CENPO: variants seen among roughly 807,000 people sequenced by gnomAD.
CENPO encodes centromere protein O.
Under a neutral mutation model 36.1 loss-of-function variants are expected in CENPO, and 30 were observed. That is an observed-to-expected ratio of 0.83 (90% CI 0.62 to 1.13). The LOEUF is 1.13. CENPO is among the 50% of genes most tolerant of loss of function. The probability of loss-of-function intolerance (pLI) is 0.00; values close to 1 mark genes in which losing one functional copy is unlikely to be tolerated. For missense variants in CENPO, 349 were observed against 357.8 expected (o/e 0.98, Z 0.20); for synonymous variants, 171 against 142.3 (o/e 1.20, Z -1.44).
chr2:24,803,063 G>A (rs1397195325), intron 3 of CENPO, among the ~76,000 whole-genome samples: 1 of 152,186 alleles, frequency 6.6e-6, no homozygotes, highest in African/African-American at 2.4e-5. Context: ...TTGGGAGAAT[G>A]TATGTGTCCA....
chr2:24,816,873 CAG>C lies in CENPO; in HGVS notation c.766+57_766+58del, dbSNP rs879633834. 16 of 1,500,466 alleles carry C rather than the reference CAG, an allele frequency of 1.1e-5. No homozygotes were observed. In the Admixed American group the frequency reaches 2.1e-4, roughly 20 times the overall value. 92.9% of individuals were successfully genotyped at this position (1,500,466 alleles called of 1,614,324 possible). Reference sequence around the variant, plus strand: ...CATATCCCAGTTTATTTGAGTGAAACAGGGAAAATAGGTAGAATCCATGAAGT... The same window carrying C: ...CATATCCCAGTTTATTTGAGTGAAACGGAAAATAGGTAGAATCCATGAAGT... On this transcript the variant is annotated intron_variant, in intron 6 of 7. Transcript: ENST00000380834.
rs1667892978 is a variant in CENPO, at chr2:24,822,332, C to G, written c.*3014C>G. 3 of 878,296 alleles carry G rather than the reference C, an allele frequency of 3.4e-6. No homozygotes were observed. The Admixed American group carries it at 7.4e-5, about 22-fold the overall frequency. The allele number at this position is 878,296 out of a possible 1,614,324, so 54.4% of individuals were successfully genotyped here. A position where few individuals can be genotyped will look rare whatever the true frequency, so the allele number is the denominator to read the frequency against. On this transcript the variant is annotated 3_prime_UTR_variant, in exon 8 of 8. Coordinates refer to ENST00000380834, the MANE Select transcript of CENPO (RefSeq NM_001322101.2). ...AGGGGGTTGTGTGTCTGTTCTGTTT[C>G]TCTGCTTGCCGAACTTTCTCAATAA... is the stretch of plus-strand genomic sequence containing the variant.
chr2:24,805,774 G>C (rs1420724976), intron 3 of CENPO, among the ~76,000 whole-genome samples: 2 of 152,202 alleles, frequency 1.3e-5, no homozygotes, highest in African/African-American at 4.8e-5. Context: ...CGGGGGTCAG[G>C]GACCCACTTG....
chr2:24,803,301 T>C (rs1302931392), intron 3 of CENPO, among the ~76,000 whole-genome samples: 1 of 152,002 alleles, frequency 6.6e-6, no homozygotes, highest in Non-Finnish European at 1.5e-5. Flanking sequence ...ATTGATTTTT[T>C]GAAGGGTTTT....
chr2:24,806,371 T>TA (rs1295120268), intron 3 of CENPO, among the ~76,000 whole-genome samples: 2 of 152,206 alleles, frequency 1.3e-5, no homozygotes, highest in Non-Finnish European at 2.9e-5. Context: ...ATGAACCTGG[T>TA]ACCTCAGTTG....
intron 3 of CENPO, among the ~76,000 whole-genome samples, chr2:24,810,809 G>A (rs1572738055): frequency 6.6e-6 from 1 of 151,964 alleles, no homozygotes; most frequent in Non-Finnish European, 1.5e-5. Flanking sequence ...CACCCGGCCT[G>A]CAGGGTAAGT....
At chr2:24,806,151 C>T (rs575369072) in intron 3 of CENPO, among the ~76,000 whole-genome samples, 1 of 152,202 alleles carries the variant, frequency 6.6e-6, no homozygotes, top group Non-Finnish European at 1.5e-5. Flanking sequence ...CCTGGTGTGC[C>T]GTTTGCTAAG....
In CENPO at chr2:24,801,583, G is replaced by A. The variant is rs544605845; in HGVS notation, c.216+1739G>A. 2.0e-5 allele frequency among the ~76,000 whole-genome samples: 3 copies of A among 152,260 alleles called. No homozygotes were observed. The South Asian group carries it at 6.2e-4, about 32-fold the overall frequency. ...TTCCCAGCACCATTTATTAAATAGG[G>A]AATCCTTCCCCATTTCTTGTTTTTG... On this transcript the variant is annotated intron_variant, in intron 3 of 7. Transcript: ENST00000380834.
chr2:24,807,682 G>T (rs1487117016), intron 3 of CENPO, among the ~76,000 whole-genome samples: 1 of 152,160 alleles, frequency 6.6e-6, no homozygotes, highest in Admixed American at 6.5e-5. Context: ...TGGTTCATAG[G>T]ATATGCATGT....
chr2:24,821,252 A>G lies in CENPO; in HGVS notation c.*1934A>G, dbSNP rs950033328. ...CAACCCCTCTGGAAATGGATCACAA[A>G]CTCACTTCTCAGCCAGGCAGGCCAA... On this transcript the variant is annotated 3_prime_UTR_variant, in exon 8 of 8. Transcript: ENST00000380834. The G allele has an allele frequency of 8.4e-6, 4 of 478,118 alleles. No individual in the cohort carries two copies. Among genetic ancestry groups the G allele is most frequent in the African/African-American group, 5.9e-5 (3 of 51,048 alleles). The allele number at this position is 478,118 out of a possible 1,614,324, so 29.6% of individuals were successfully genotyped here. A position where few individuals can be genotyped will look rare whatever the true frequency, so the allele number is the denominator to read the frequency against.
At position 24,815,608 on chromosome 2, in the gene CENPO, GGATACA is replaced by G; in HGVS notation, c.447_452del (p.Ile150_His151del). 3 of 1,614,044 alleles carry G rather than the reference GGATACA, an allele frequency of 1.9e-6. No homozygotes were observed. The highest frequency in any genetic ancestry group is 2.5e-6 in the Non-Finnish European group (3 of 1,179,954). On this transcript the variant is annotated inframe_deletion, in exon 5 of 8. Coordinates refer to ENST00000380834, the MANE Select transcript of CENPO (RefSeq NM_001322101.2). ...GACCTTGTCATACAGAAACCACTCC[GGATACA>G]TCACCATTCAGTCCCAGTCTTCATT...
intron 3 of CENPO, among the ~76,000 whole-genome samples, chr2:24,801,229 C>T (rs1558371270): frequency 6.6e-6 from 1 of 151,928 alleles, no homozygotes; most frequent in Non-Finnish European, 1.5e-5. Flanking sequence ...GGATATTAGC[C>T]CTTTGTCAGA....
intron 3 of CENPO, among the ~76,000 whole-genome samples, chr2:24,811,469 T>G (rs912264164): frequency 5.1e-5 from 6 of 116,884 alleles, no homozygotes; most frequent in Non-Finnish European, 9.8e-5. Context: ...TTGTTTTTTG[T>G]TTTTTTTTTT....
rs554060331 is a variant in CENPO at position 24,804,617 on chromosome 2, A to T, written c.216+4773A>T. Among the ~76,000 whole-genome samples, 725 of 152,188 alleles carry T rather than the reference A, an allele frequency of 4.8e-3. 7 individuals carry two copies. Among genetic ancestry groups the T allele is most frequent in the African/African-American group, 0.016 (657 of 41,528 alleles). ...GTTTGGCTGGATATGAAATTCTGGG[A>T]TGAGAATTCTTTTCTTTAAGAATGT... On this transcript the variant is annotated intron_variant, in intron 3 of 7. Transcript: ENST00000380834.
At chr2:24,815,204 C>G (rs1666883168) in intron 4 of CENPO, among the ~76,000 whole-genome samples, 1 of 149,776 alleles carries the variant, frequency 6.7e-6, no homozygotes, top group South Asian at 2.1e-4. Flanking sequence ...TGCCACCGCA[C>G]TCCAGCCTGG....
rs1421599245 is a variant in CENPO at position 24,819,610 on chromosome 2, A to C, written c.*292A>C. On this transcript the variant is annotated 3_prime_UTR_variant, in exon 8 of 8. Coordinates refer to ENST00000380834, the MANE Select transcript of CENPO (RefSeq NM_001322101.2). ...TCCCGGAAAGCCCAGCGGCAAAGGC[A>C]GCTTTGTCCCAGCTCTGCCACCCTC... 1.3e-5 allele frequency: 3 copies of C among 223,646 alleles called. No homozygotes were observed. Among genetic ancestry groups the C allele is most frequent in the African/African-American group, 2.3e-5 (1 of 43,718 alleles). 13.9% of individuals were successfully genotyped at this position (223,646 alleles called of 1,614,324 possible). A position where few individuals can be genotyped will look rare whatever the true frequency, so the allele number is the denominator to read the frequency against.
In CENPO at chr2:24,820,019, G is replaced by T. The variant is rs1667313581; in HGVS notation, c.*701G>T. ...GCTTATCCCGCCCCTTCAAGAAGAA[G>T]GTCAGCAGCTCCCCCTTCCCCTTCA... is the stretch of plus-strand genomic sequence containing the variant. On this transcript the variant is annotated 3_prime_UTR_variant, in exon 8 of 8. Coordinates refer to ENST00000380834, the MANE Select transcript of CENPO (RefSeq NM_001322101.2). 2 of 1,612,232 alleles carry T rather than the reference G, an allele frequency of 1.2e-6. No homozygotes were observed. Among genetic ancestry groups the T allele is most frequent in the South Asian group, 2.2e-5 (2 of 90,876 alleles).
In CENPO at chr2:24,817,687, A is replaced by T. The variant is rs772589283; in HGVS notation, c.784A>T (p.Thr262Ser). ...CTTTTTAGGAGTGGAAGTATTATCC[A>T]CTTCATGGGAGGAGCAACGAGCATC... ...VTCQGVEVLS[T>S]SWEEQRASHE... The change falls in exon 7 of 8, where the codon ACT becomes TCT. Residue 262 changes from threonine (T) to serine (S), a missense_variant. By Grantham distance (58) the Thr-to-Ser change is moderately conservative (BLOSUM62 1). Transcript: ENST00000380834. 1 of 1,614,208 alleles carries T rather than the reference A, an allele frequency of 6.2e-7. No homozygotes were observed. Among genetic ancestry groups the T allele is most frequent in the East Asian group, 2.2e-5 (1 of 44,882 alleles).
At chr2:24,796,717 G>A (rs554673303) in intron 2 of CENPO, among the ~76,000 whole-genome samples, 7 of 152,178 alleles carry the variant, frequency 4.6e-5, no homozygotes, top group Non-Finnish European at 8.8e-5. Flanking sequence ...TTATGAGCTG[G>A]CACCTGACCT....
Sources: gnomAD v4.1 joint callset for allele counts (sites outside exome capture counted in the v4.1 genomes callset) on GRCh38, gnomAD v4.1.1 for gene constraint, MANE v1.5 for transcripts, NCBI Gene and HGNC (gene_info 2026-07-23, HGNC 2026-07-21) for gene names.